EFCAB8: variants seen among roughly 807,000 people sequenced by gnomAD.
The protein encoded by EFCAB8 is EF-hand calcium-binding domain-containing protein 8.
Under a neutral mutation model 116.3 loss-of-function variants are expected in EFCAB8, and 100 were observed. The ratio of observed to expected loss-of-function variants is 0.86; its 90% CI spans 0.73 to 1.02. The LOEUF (loss-of-function observed/expected upper bound fraction) is 1.02, where lower values mean the gene tolerates loss of function less well. Among genes scored for constraint, EFCAB8 ranks in the 50% least tolerant of loss-of-function variants. The pLI, the probability that EFCAB8 is intolerant of heterozygous loss-of-function variation, is 0.00. For synonymous variants in EFCAB8, 558 were observed against 567.9 expected, an observed-to-expected ratio of 0.98 and a Z score of 0.25; for missense variants, 1,320 against 1,416.9, an observed-to-expected ratio of 0.93 and a Z score of 1.10.
At chr20:32,928,771 A>G (rs1355760114) in intron 20 of EFCAB8, among the ~76,000 whole-genome samples, 1 of 152,136 alleles carries the variant, frequency 6.6e-6, no homozygotes, top group Non-Finnish European at 1.5e-5. Flanking sequence ...AAAAGTGGAC[A>G]TTCTTGCCTT....
rs144826531 is a variant in EFCAB8 at position 32,961,047 on chromosome 20, C to T, written c.3394-89C>T. On this transcript the variant is annotated intron_variant, in intron 26 of 26. Coordinates refer to ENST00000400522, the MANE Select transcript of EFCAB8 (RefSeq NM_001143967.2). The stretch of plus-strand genomic sequence containing the variant: ...TTCTTGGCATGGGAAGACCTCAGGG[C>T]GCCTCCTTCCTGTGAGTCTACTCTT... The T allele has an allele frequency of 2.2e-4, 254 of 1,140,760 alleles. 4 individuals carry two copies. The East Asian group carries it at 4.7e-3, about 21-fold the overall frequency. The allele number at this position is 1,140,760 out of a possible 1,614,324, so 70.7% of individuals were successfully genotyped here.
intron 5 of EFCAB8, among the ~76,000 whole-genome samples, chr20:32,884,659 C>T (rs112240916): frequency 0.01 from 1,530 of 152,316 alleles, 25 homozygotes; most frequent in African/African-American, 0.035. Context: ...GAGGAGGGGT[C>T]ACAGTGCCTA....
chr20:32,867,743 T>G lies in EFCAB8; in HGVS notation c.204T>G (p.Thr68=). Residue 68 remains threonine (T), a synonymous_variant, in exon 3 of 27, where the codon ACT becomes ACG. Coordinates refer to ENST00000400522, the MANE Select transcript of EFCAB8 (RefSeq NM_001143967.2). ...EKMFEEDINS[T]GALGMDAFIK... ...TGTTTGAGGAGGACATCAACTCGACTGGAGGTAAGGCCGCTCTGTAGGCTC... is the reference window on the plus strand; with the variant it reads ...TGTTTGAGGAGGACATCAACTCGACGGGAGGTAAGGCCGCTCTGTAGGCTC... 6.4e-7 allele frequency: 1 copy of G among 1,551,326 alleles called. No individual in the cohort carries two copies. Among genetic ancestry groups the G allele is most frequent in the Non-Finnish European group, 8.7e-7 (1 of 1,146,922 alleles).
chr20:32,930,352 C>T, intron 20 of EFCAB8, 46 bp from the exon 21 acceptor site: 1 of 1,499,854 alleles, frequency 6.7e-7, no homozygotes, highest in Non-Finnish European at 9.0e-7. Flanking sequence ...CACCATGTGA[C>T]AGTGGCTCAC....
chr20:32,880,324 A>C (rs964238850), intron 5 of EFCAB8, among the ~76,000 whole-genome samples: 1 of 151,116 alleles, frequency 6.6e-6, no homozygotes, highest in Non-Finnish European at 1.5e-5. Context: ...GTTGGAGTGC[A>C]ATGGCTTGAT....
rs779770974 is a variant in EFCAB8, at chr20:32,878,771, G to A, written c.395G>A (p.Arg132His). 1.2e-5 allele frequency: 18 copies of A among 1,552,156 alleles called. No homozygotes were observed. Among genetic ancestry groups the A allele is most frequent in the South Asian group, 8.3e-5 (7 of 84,060 alleles). The change falls in exon 5 of 27, where the codon CGC becomes CAC. Residue 132 changes from arginine (R) to histidine (H), a missense_variant. Transcript: ENST00000400522. The part of the protein sequence containing the change: ...GKEDMRKSQY[R>H]LHFYLPMTVV... ...GAGGACATGCGAAAGAGCCAGTACC[G>A]CCTGCACTTCTACCTTCCCATGACG... is the stretch of plus-strand genomic sequence containing the variant.
Position 32,931,250 on chromosome 20 carries a change from T to C in EFCAB8, c.2704T>C (p.Ser902Pro). 4 of 1,551,580 alleles carry C rather than the reference T, an allele frequency of 2.6e-6. No homozygotes were observed. The highest frequency in any genetic ancestry group is 3.5e-6 in the Non-Finnish European group (4 of 1,146,938). ...CCAATCCAGTGGGGCCAAGGTTGTC[T>C]CTGAAGCACACAACAAGTTCCGGTT... ...PFQSSGAKVV[S>P]EAHNKFRLLI... Residue 902 changes from serine to proline, a missense_variant, in exon 22 of 27, where the codon TCT becomes CCT. Coordinates refer to ENST00000400522, the MANE Select transcript of EFCAB8 (RefSeq NM_001143967.2).
chr20:32,953,863 T>A (rs1988877093), intron 23 of EFCAB8, among the ~76,000 whole-genome samples: 1 of 152,192 alleles, frequency 6.6e-6, no homozygotes, highest in South Asian at 2.1e-4. Context: ...CAGGCTGGAG[T>A]GCAATGGTGC....
In EFCAB8 at chr20:32,961,308, C is replaced by T. The variant is rs189947728; in HGVS notation, c.3566C>T (p.Thr1189Met). 7.1e-5 allele frequency: 108 copies of T among 1,522,944 alleles called. No individual in the cohort carries two copies. In the East Asian group the frequency reaches 2.0e-3, roughly 28 times the overall value. 94.3% of individuals were successfully genotyped at this position (1,522,944 alleles called of 1,614,324 possible). A position where few individuals can be genotyped will look rare whatever the true frequency, so the allele number is the denominator to read the frequency against. ...AGGGAGCAGGCTGTGCTGGATACCA[C>T]GGACAGCACGCCTGCGGCCGCCTCC... ...PSREQAVLDT[T>M]DSTPAAASSP... The change falls in exon 27 of 27, where the codon ACG becomes ATG. Residue 1189 changes from threonine to methionine, a missense_variant. Thr to Met is a moderately conservative substitution (Grantham distance 81). Coordinates refer to ENST00000400522, the MANE Select transcript of EFCAB8 (RefSeq NM_001143967.2).
At chr20:32,958,991 G>A (rs1436107116) in intron 24 of EFCAB8, among the ~76,000 whole-genome samples, 2 of 152,178 alleles carry the variant, frequency 1.3e-5, no homozygotes, top group Non-Finnish European at 2.9e-5. Flanking sequence ...CAGGCTGCTG[G>A]CTACTTGGTC....
At chr20:32,923,835 A>G (rs530122823) in intron 20 of EFCAB8, among the ~76,000 whole-genome samples, 10 of 152,140 alleles carry the variant, frequency 6.6e-5, no homozygotes, top group Non-Finnish European at 1.3e-4. Flanking sequence ...GAGTCTGTAT[A>G]GCTATCTGCT....
intron 2 of EFCAB8, 147 bp downstream of exon 2, chr20:32,863,981 T>TG: frequency 1.1e-6 from 1 of 912,264 alleles, no homozygotes; most frequent in Admixed American, 3.2e-5. Context: ...AACTTAAGTG[T>TG]ATTTTTTTTT....
At chr20:32,892,746 G>A (rs377400142) in intron 8 of EFCAB8, among the ~76,000 whole-genome samples, 3 of 152,162 alleles carry the variant, frequency 2.0e-5, no homozygotes, top group Admixed American at 2.0e-4. Context: ...GGGCAAGGCC[G>A]GAAAGTGTTG....
intron 23 of EFCAB8, among the ~76,000 whole-genome samples, chr20:32,948,509 A>T (rs950820011): frequency 9.4e-5 from 14 of 149,330 alleles, no homozygotes; most frequent in Admixed American, 2.7e-4. Flanking sequence ...CAAAGACGTT[A>T]TAAGAAGAAA....
chr20:32,943,301 G>A (rs1988462022), intron 22 of EFCAB8, among the ~76,000 whole-genome samples: 1 of 152,200 alleles, frequency 6.6e-6, no homozygotes, highest in African/African-American at 2.4e-5. Flanking sequence ...AGGTTGTGAG[G>A]TTCAAATGGA....
At chr20:32,875,685 T>C (rs1984934318) in intron 3 of EFCAB8, among the ~76,000 whole-genome samples, 1 of 151,638 alleles carries the variant, frequency 6.6e-6, no homozygotes, top group Non-Finnish European at 1.5e-5. Flanking sequence ...ATTTTTGTAT[T>C]TTTAGTAGAG....
intron 2 of EFCAB8, among the ~76,000 whole-genome samples, chr20:32,866,991 C>T (rs1360516879): frequency 2.6e-5 from 4 of 151,790 alleles, no homozygotes; most frequent in Non-Finnish European, 4.4e-5. Context: ...AATCTCAGCT[C>T]ACTGCAACCT....
chr20:32,933,336 ATT>A (rs1485873936), intron 22 of EFCAB8, among the ~76,000 whole-genome samples: 1 of 152,182 alleles, frequency 6.6e-6, no homozygotes, highest in Admixed American at 6.5e-5. Context: ...TAAAAATTTT[ATT>A]GTTTCAAATA....
At chr20:32,934,982 C>T (rs1443617411) in intron 22 of EFCAB8, among the ~76,000 whole-genome samples, 1 of 152,138 alleles carries the variant, frequency 6.6e-6, no homozygotes, top group Non-Finnish European at 1.5e-5. Flanking sequence ...TCCTCACCAA[C>T]ACTTGTTTCT....
Sources: gnomAD v4.1 joint callset for allele counts (sites outside exome capture counted in the v4.1 genomes callset) on GRCh38, gnomAD v4.1.1 for gene constraint, MANE v1.5 for transcripts, NCBI Gene and HGNC (gene_info 2026-07-23, HGNC 2026-07-21) for gene names.